The following FARS2 variants were observed in gnomAD, a reference collection of about 807,000 sequenced individuals.
The protein encoded by FARS2 is phenylalanyl-tRNA synthetase 2, mitochondrial.
In FARS2, 40 loss-of-function variants were observed where a neutral mutation model predicts 46.4. The observed-to-expected ratio is 0.86, with a 90% CI of 0.67 to 1.12. The LOEUF is 1.12. FARS2 is among the 50% of genes most tolerant of loss of function. The pLI, the probability that FARS2 is intolerant of heterozygous loss-of-function variation, is 0.00. For synonymous variants in FARS2, 234 were observed against 214.9 expected (o/e 1.09, Z -0.78); for missense variants, 513 against 567.9 (o/e 0.90, Z 0.98).
the FARS2 span, among the ~76,000 whole-genome samples, chr6:5,252,894 T>A: frequency 4.6e-5 from 7 of 152,224 alleles, no homozygotes; most frequent in Middle Eastern, 0.02. Flanking sequence ...GGCAGCTACA[T>A]ACCTCTAGAC....
chr6:5,406,449 C>A (rs1175197638), intron 3 of FARS2, among the ~76,000 whole-genome samples: 1 of 152,204 alleles, frequency 6.6e-6, no homozygotes, highest in Non-Finnish European at 1.5e-5. Context: ...CTTACCACAT[C>A]TCACCCCGGG....
In FARS2 at chr6:5,390,281, C is replaced by T. The variant is rs1760421428; in HGVS notation, c.613-14261C>T. ...CCAGTTTCCAAGCCCATGCTTGGCC[C>T]CAGACACCTCAGGCAGGAACAGTAG... On this transcript the variant is annotated intron_variant, in intron 2 of 6. Transcript: ENST00000274680. Among the ~76,000 whole-genome samples, 3 of 152,164 alleles carry T rather than the reference C, an allele frequency of 2.0e-5. No homozygotes were observed. The South Asian group carries it at 6.2e-4, about 32-fold the overall frequency.
chr6:5,317,071 G>C (rs1769575571), intron 1 of FARS2, among the ~76,000 whole-genome samples: 1 of 152,150 alleles, frequency 6.6e-6, no homozygotes, highest in South Asian at 2.1e-4. Context: ...CTCTTGCATG[G>C]TAACAGGATT....
intron 1 of FARS2, among the ~76,000 whole-genome samples, chr6:5,324,132 CCT>C (rs2127569045): frequency 6.6e-6 from 1 of 152,272 alleles, no homozygotes; most frequent in East Asian, 1.9e-4. Flanking sequence ...GCCAGAAGCC[CCT>C]CTCAGGTTTT....
chr6:5,709,727 GGGT>G (rs1759011029), intron 6 of FARS2, among the ~76,000 whole-genome samples: 1 of 97,238 alleles, frequency 1.0e-5, no homozygotes, highest in African/African-American at 4.0e-5. Context: ...GGGGGGGGTG[GGGT>G]TGTGTGTGTG....
chr6:5,437,510 G>GT (rs1167809334), intron 4 of FARS2, among the ~76,000 whole-genome samples: 2 of 151,862 alleles, frequency 1.3e-5, no homozygotes, highest in Non-Finnish European at 2.9e-5. Flanking sequence ...TTTTCTTTAT[G>GT]TTTTTTTGAA....
intron 6 of FARS2, among the ~76,000 whole-genome samples, chr6:5,654,994 A>G (rs1386777621): frequency 6.6e-6 from 1 of 152,234 alleles, no homozygotes; most frequent in Non-Finnish European, 1.5e-5. Flanking sequence ...TTGTAGCAGT[A>G]TAGTATATAA....
intron 6 of FARS2, among the ~76,000 whole-genome samples, chr6:5,618,275 C>G (rs746094157): frequency 6.6e-6 from 1 of 152,184 alleles, no homozygotes; most frequent in Non-Finnish European, 1.5e-5. Flanking sequence ...TCCTTGAGCA[C>G]CCTGTGCCCA....
chr6:5,468,366 AAG>A (rs1221401487), intron 4 of FARS2, among the ~76,000 whole-genome samples: 4 of 150,804 alleles, frequency 2.7e-5, no homozygotes, highest in African/African-American at 9.7e-5. Context: ...AAAAAAAAAA[AAG>A]AAAGAAAAAA....
intron 4 of FARS2, among the ~76,000 whole-genome samples, chr6:5,463,326 G>A (rs1253370572): frequency 2.0e-5 from 3 of 152,132 alleles, no homozygotes; most frequent in Non-Finnish European, 4.4e-5. Flanking sequence ...TTGTGGCCTT[G>A]CTAAAGTTGT....
Position 5,764,797 on chromosome 6 carries a change from A to G in FARS2, c.1218-6494A>G, listed in dbSNP as rs1762664837. Among the ~76,000 whole-genome samples, 1 of 152,216 alleles carries G rather than the reference A, an allele frequency of 6.6e-6. No homozygotes were observed. ...TGAGTGCAGAGCCTGTTTGGTTGCCAGGGTAAACCAAGTGGTTGTATGATA... is the reference window on the plus strand; with the variant it reads ...TGAGTGCAGAGCCTGTTTGGTTGCCGGGGTAAACCAAGTGGTTGTATGATA... On this transcript the variant is annotated intron_variant, in intron 6 of 6. Coordinates refer to ENST00000274680, the MANE Select transcript of FARS2 (RefSeq NM_006567.5). This position sits in a 1 kb window ranked among gnomAD's most constrained non-coding sequence, Gnocchi z 4.1.
At chr6:5,517,001 G>A (rs969087801) in intron 4 of FARS2, among the ~76,000 whole-genome samples, 4 of 152,172 alleles carry the variant, frequency 2.6e-5, no homozygotes, top group African/African-American at 4.8e-5. Context: ...TAGCCTGAGA[G>A]ACAAAAGTTT....
At chr6:5,568,806 A>T (rs949207751) in intron 5 of FARS2, among the ~76,000 whole-genome samples, 6 of 152,194 alleles carry the variant, frequency 3.9e-5, no homozygotes, top group Non-Finnish European at 7.4e-5. Flanking sequence ...ATGAGGATAG[A>T]TTGGGGCCAT....
intron 4 of FARS2, among the ~76,000 whole-genome samples, chr6:5,505,245 G>A (rs1160766291): frequency 6.6e-6 from 1 of 152,148 alleles, no homozygotes; most frequent in Non-Finnish European, 1.5e-5. Flanking sequence ...AAGGCTTGGA[G>A]GCCCAGCAGC....
At chr6:5,354,259 A>G (rs1757771766) in intron 1 of FARS2, among the ~76,000 whole-genome samples, 1 of 152,122 alleles carries the variant, frequency 6.6e-6, no homozygotes, top group South Asian at 2.1e-4. Flanking sequence ...TGCTTCCCAG[A>G]TAGCTTACAA....
chr6:5,444,036 G>A (rs1763989445), intron 4 of FARS2, among the ~76,000 whole-genome samples: 2 of 152,014 alleles, frequency 1.3e-5, no homozygotes, highest in Non-Finnish European at 2.9e-5. Context: ...GATTGGTGGT[G>A]GGAATGTCCT....
chr6:5,403,761 A>G (rs1299019449), intron 2 of FARS2, among the ~76,000 whole-genome samples: 1 of 152,060 alleles, frequency 6.6e-6, no homozygotes, highest in East Asian at 1.9e-4. Context: ...TGATACATTC[A>G]TTTGCTCAGT....
At chr6:5,728,086 C>T (rs934418761) in intron 6 of FARS2, among the ~76,000 whole-genome samples, 5 of 152,228 alleles carry the variant, frequency 3.3e-5, no homozygotes, top group Non-Finnish European at 1.5e-5. Context: ...GGTCCGAGAA[C>T]ATTTGCAAAT....
intron 6 of FARS2, among the ~76,000 whole-genome samples, chr6:5,692,451 T>C (rs1757808871): frequency 6.6e-6 from 1 of 152,122 alleles, no homozygotes; most frequent in Non-Finnish European, 1.5e-5. Flanking sequence ...TGGCCTGGGG[T>C]TCCCTTTCCC....
Sources: gnomAD v4.1 joint callset for allele counts (sites outside exome capture counted in the v4.1 genomes callset) on GRCh38, gnomAD v4.1.1 for gene constraint, Gnocchi (gnomAD v3.1) non-coding constraint, MANE v1.5 for transcripts, NCBI Gene and HGNC (gene_info 2026-07-23, HGNC 2026-07-21) for gene names.